Variants in MS4A7 observed in about 807,000 individuals in gnomAD.
MS4A7 encodes membrane spanning 4-domains A7, also known as membrane-spanning 4-domains subfamily A member 7.
A neutral mutation model predicts 23.5 loss-of-function variants in MS4A7; 21 were observed. That is an observed-to-expected ratio of 0.89 (90% CI 0.63 to 1.29). The LOEUF (loss-of-function observed/expected upper bound fraction) is 1.29, where lower values mean the gene tolerates loss of function less well. MS4A7 is among the 50% of genes most tolerant of loss of function. The pLI, the probability that MS4A7 is intolerant of heterozygous loss-of-function variation, is 0.00. For missense variants in MS4A7, 263 were observed against 274.2 expected (o/e 0.96, Z 0.29); for synonymous variants, 111 against 107.4 (o/e 1.03, Z -0.21).
intron 1 of MS4A7, among the ~76,000 whole-genome samples, chr11:60,379,593 C>T (rs1432185842): frequency 3.3e-5 from 5 of 150,646 alleles, no homozygotes; most frequent in Middle Eastern, 3.4e-3. Flanking sequence ...GGCTAGAGTG[C>T]GTGATCTCGG....
Position 60,393,964 on chromosome 11 carries a change from C to CA in MS4A7, c.*103_*104insA. On this transcript the variant is annotated 3_prime_UTR_variant, in exon 7 of 7. Transcript: ENST00000300184. ...GCCATTTTAGATACTGTGAAACAAA[C>CA]TAAAAAAAAAAAAGCTTTTGTTTTG... 1 of 590,986 alleles carries CA rather than the reference C, an allele frequency of 1.7e-6. No individual in the cohort carries two copies. Among genetic ancestry groups the CA allele is most frequent in the Non-Finnish European group, 2.8e-6 (1 of 361,142 alleles). The allele number at this position is 590,986 out of a possible 1,614,324, so 36.6% of individuals were successfully genotyped here.
chr11:60,382,624 A>G (rs921210135), intron 1 of MS4A7, among the ~76,000 whole-genome samples: 1 of 152,232 alleles, frequency 6.6e-6, no homozygotes, highest in African/African-American at 2.4e-5. Context: ...CCATCTCGCT[A>G]TAGGAAAGGA....
At chr11:60,386,591 G>C in intron 3 of MS4A7, 126 bp from the exon 4 acceptor site, 1 of 704,790 alleles carries the variant, frequency 1.4e-6, no homozygotes, top group Non-Finnish European at 2.5e-6. Flanking sequence ...AGATCCACAA[G>C]ATTTCTGCAG....
At chr11:60,386,658 C>T (rs1017550805) in intron 3 of MS4A7, 59 bp from the exon 4 acceptor site, 31 of 1,358,020 alleles carry the variant, frequency 2.3e-5, no homozygotes, top group Non-Finnish European at 3.0e-5. Context: ...TTGACAGTGA[C>T]ATGGTGGGCA....
intron 2 of MS4A7, 160 bp downstream of exon 2, chr11:60,383,448 C>T: frequency 1.5e-6 from 1 of 650,968 alleles, no homozygotes; most frequent in East Asian, 3.1e-5. Context: ...ACTCTTAAAG[C>T]TCTGCAGCAG....
intron 1 of MS4A7, among the ~76,000 whole-genome samples, chr11:60,378,972 A>AC (rs2085400056): frequency 6.6e-6 from 1 of 152,132 alleles, no homozygotes; most frequent in Admixed American, 6.5e-5. Flanking sequence ...TTGCATTAGA[A>AC]CCCCATGGTC....
Position 60,385,085 on chromosome 11 carries a change from T to C in MS4A7, c.148-3T>C, listed in dbSNP as rs181969791. The C allele has an allele frequency of 4.3e-5, 70 of 1,613,700 alleles. No individual in the cohort carries two copies. The highest frequency in any genetic ancestry group is 1.3e-5 in the African/African-American group (1 of 75,032). Reference sequence around the variant, plus strand: ...TCTAGATTTCCTGTCTTCTCTCTTGTAGACTGTCCAGATCCTGTGTTGCCT... The same window carrying C: ...TCTAGATTTCCTGTCTTCTCTCTTGCAGACTGTCCAGATCCTGTGTTGCCT... On this transcript the variant is annotated splice_polypyrimidine_tract_variant and splice_region_variant and intron_variant, in intron 2 of 6. Coordinates refer to ENST00000300184, the MANE Select transcript of MS4A7 (RefSeq NM_021201.5).
intron 6 of MS4A7, 130 bp downstream of exon 6, chr11:60,392,916 T>C: frequency 1.6e-6 from 1 of 626,124 alleles, no homozygotes; most frequent in Non-Finnish European, 2.8e-6. Context: ...GCCACTTTTA[T>C]AATTAAAAAA....
Position 60,393,771 on chromosome 11 carries a change from AT to A in MS4A7, c.649-14del. On this transcript the variant is annotated splice_polypyrimidine_tract_variant and intron_variant, in intron 6 of 6. Transcript: ENST00000300184. Reference sequence around the variant, plus strand: ...AATCAAAGTTTAAAAATTCTAACCAATTATGTATTTTCTAGAGTTCATTTTC... The same window carrying A: ...AATCAAAGTTTAAAAATTCTAACCAATATGTATTTTCTAGAGTTCATTTTC... 2 of 1,586,436 alleles carry A rather than the reference AT, an allele frequency of 1.3e-6. No homozygotes were observed. Among genetic ancestry groups the A allele is most frequent in the Admixed American group, 3.6e-5 (2 of 55,738 alleles).
rs7949186 is a variant in MS4A7, at chr11:60,388,634, G to C, written c.340-756G>C. 4.4e-3 allele frequency among the ~76,000 whole-genome samples: 674 copies of C among 152,288 alleles called. 5 individuals are homozygous for C. The highest frequency in any genetic ancestry group is 0.016 in the African/African-American group (659 of 41,574). On this transcript the variant is annotated intron_variant, in intron 4 of 6. Coordinates refer to ENST00000300184, the MANE Select transcript of MS4A7 (RefSeq NM_021201.5). ...CTCTATGGGTGTGTGGCAGGGAAGA[G>C]AGAAAGGCTGCTACGGAGAGAAGCA...
chr11:60,380,635 G>C (rs925415600), intron 1 of MS4A7, among the ~76,000 whole-genome samples: 8 of 152,212 alleles, frequency 5.3e-5, no homozygotes, highest in Admixed American at 5.2e-4. Flanking sequence ...AACTCAGGAG[G>C]CTGGTGACGA....
rs879586947 is a variant in MS4A7 at position 60,393,120 on chromosome 11, C to CA, written c.648+346dup. ...TGGGTGACAGAGTGAGACTCAGTCT[C>CA]AAAAAAAAAAAAGAGTTTGTATAAA... On this transcript the variant is annotated intron_variant, in intron 6 of 6. Coordinates refer to ENST00000300184, the MANE Select transcript of MS4A7 (RefSeq NM_021201.5). Among the ~76,000 whole-genome samples, 578 of 133,616 alleles carry CA rather than the reference C, an allele frequency of 4.3e-3. 6 individuals are homozygous for CA. The highest frequency in any genetic ancestry group is 0.012 in the African/African-American group (446 of 36,270). The allele number at this position is 133,616 out of a possible 152,430, so 87.7% of individuals were successfully genotyped here. A position where few individuals can be genotyped will look rare whatever the true frequency, so the allele number is the denominator to read the frequency against.
intron 1 of MS4A7, among the ~76,000 whole-genome samples, chr11:60,380,097 A>G (rs1008265576): frequency 6.6e-6 from 1 of 152,232 alleles, no homozygotes; most frequent in Non-Finnish European, 1.5e-5. Context: ...TTCACTTGCC[A>G]TATTGTCTTC....
At chr11:60,385,603 A>G (rs2085477449) in intron 3 of MS4A7, among the ~76,000 whole-genome samples, 1 of 152,188 alleles carries the variant, frequency 6.6e-6, no homozygotes. Context: ...TGAGAAGGCC[A>G]TTTTTAAACA....
intron 5 of MS4A7, among the ~76,000 whole-genome samples, chr11:60,390,625 G>C (rs1454220505): frequency 1.3e-5 from 2 of 152,124 alleles, no homozygotes; most frequent in Non-Finnish European, 2.9e-5. Context: ...GTGTCATCCT[G>C]GTGTAGGACA....
chr11:60,383,383 T>G, intron 2 of MS4A7, 95 bp downstream of exon 2: 1 of 1,437,326 alleles, frequency 7.0e-7, no homozygotes, highest in Non-Finnish European at 9.4e-7. Flanking sequence ...ACTCTTTCAC[T>G]CTTTTCTGGC....
At position 60,394,913 on chromosome 11, in the gene MS4A7, G is replaced by T. The variant is rs1295511546; in HGVS notation, c.*1052G>T. On this transcript the variant is annotated 3_prime_UTR_variant, in exon 7 of 7. Transcript: ENST00000300184. ...AATAAAAAAGAATATTCAGTCGTTG[G>T]CACATAAACTATGTTCTCTTCTGTC... 3.3e-6 allele frequency: 2 copies of T among 599,778 alleles called. No individual in the cohort carries two copies. The highest frequency in any genetic ancestry group is 2.8e-5 in the East Asian group (1 of 35,588). The allele number at this position is 599,778 out of a possible 1,614,324, so 37.2% of individuals were successfully genotyped here. A position where few individuals can be genotyped will look rare whatever the true frequency, so the allele number is the denominator to read the frequency against.
Position 60,395,551 on chromosome 11 carries a change from A to G in MS4A7, c.*1690A>G, listed in dbSNP as rs2085607323. Reference sequence around the variant, plus strand: ...AAATTTAGGAATATAAAGGATCAATATGGGAAGCAAAATTTCTAAAGGCAG... The same window carrying G: ...AAATTTAGGAATATAAAGGATCAATGTGGGAAGCAAAATTTCTAAAGGCAG... On this transcript the variant is annotated 3_prime_UTR_variant, in exon 7 of 7. Transcript: ENST00000300184. 1 of 152,218 alleles carries G rather than the reference A, an allele frequency of 6.6e-6. No individual in the cohort carries two copies. The highest frequency in any genetic ancestry group is 2.1e-4 in the South Asian group (1 of 4,832). The allele number at this position is 152,218 out of a possible 1,614,324, so 9.4% of individuals were successfully genotyped here.
rs773867695 is a variant in MS4A7 at position 60,395,234 on chromosome 11, C to T, written c.*1373C>T. The T allele has an allele frequency of 1.1e-5, 3 of 277,696 alleles. No homozygotes were observed. The highest frequency in any genetic ancestry group is 1.3e-5 in the Non-Finnish European group (2 of 150,590). 17.2% of individuals were successfully genotyped at this position (277,696 alleles called of 1,614,324 possible). On this transcript the variant is annotated 3_prime_UTR_variant, in exon 7 of 7. Transcript: ENST00000300184. ...TCTGTGTGAGCCTCTGCATTAAACT[C>T]GATTTCTTGGGCAATTATGGAAATT...
Sources: allele counts gnomAD v4.1 joint callset (sites outside exome capture counted in the v4.1 genomes callset), GRCh38; gene constraint gnomAD v4.1.1; transcripts MANE v1.5; gene names NCBI Gene and HGNC (gene_info 2026-07-23, HGNC 2026-07-21).